JADE2: variants seen among roughly 807,000 people sequenced by gnomAD.
JADE2 encodes the protein E3 ubiquitin-protein ligase Jade-2.
A neutral mutation model predicts 85.7 loss-of-function variants in JADE2; 13 were observed. The observed-to-expected ratio is 0.15, with a 90% confidence interval of 0.10 to 0.24. The LOEUF (loss-of-function observed/expected upper bound fraction) is 0.24. JADE2 is among the 10% of genes least tolerant of loss of function. JADE2 has a pLI of 1.00. For synonymous variants in JADE2, 440 were observed against 456.1 expected (o/e 0.96, Z 0.45); for missense variants, 846 against 1,115.9 (o/e 0.76, Z 3.45).
At chr5:134,546,463 T>A (rs1762297878) in intron 3 of JADE2, among the ~76,000 whole-genome samples, 1 of 152,144 alleles carries the variant, frequency 6.6e-6, no homozygotes, top group African/African-American at 2.4e-5. Context: ...GAGATGGACA[T>A]TAAAAATATA....
intron 3 of JADE2, among the ~76,000 whole-genome samples, chr5:134,547,770 A>G (rs1204173988): frequency 1.3e-5 from 2 of 152,254 alleles, no homozygotes; most frequent in Non-Finnish European, 2.9e-5. Context: ...ATCTTGAGTC[A>G]TTCAAGATTT....
At chr5:134,561,585 G>A (rs1178653467) in intron 6 of JADE2, among the ~76,000 whole-genome samples, 1 of 152,146 alleles carries the variant, frequency 6.6e-6, no homozygotes, top group African/African-American at 2.4e-5. Flanking sequence ...GACCTGACTG[G>A]GACCTAGTGG....
Position 134,564,996 on chromosome 5 carries a change from A to G in JADE2, c.969+386A>G, listed in dbSNP as rs376973500. Among the ~76,000 whole-genome samples the G allele has an allele frequency of 9.2e-5, 14 of 152,320 alleles. No homozygotes were observed. The East Asian group carries it at 1.2e-3, about 13-fold the overall frequency. ...AGCTAATAGACTGTCCTGACACTGG[A>G]AGGGCTGTACCAGTCTGTCTTTAGC... On this transcript the variant is annotated intron_variant, in intron 8 of 11. Coordinates refer to ENST00000681547, the MANE Select transcript of JADE2 (RefSeq NM_001388185.1).
In JADE2 at chr5:134,578,811, A is replaced by G; in HGVS notation, c.1999A>G (p.Lys667Glu). Residue 667 changes from lysine to glutamate, a missense_variant, in exon 12 of 12, where the codon AAA becomes GAA. This residue lies in a region of JADE2 where 300 missense variants were observed against 300.7 expected (regional missense o/e 1.00). Coordinates refer to ENST00000681547, the MANE Select transcript of JADE2 (RefSeq NM_001388185.1). This position sits in a 1 kb window ranked among gnomAD's most constrained non-coding sequence, Gnocchi z 4.4. ...GCCTGGTTCACGGACGACTCCAGAC[A>G]AAGCCCCCAAGAAGACCTGGGGCCA... is the stretch of plus-strand genomic sequence containing the variant. ...DGPGSRTTPD[K>E]APKKTWGQDA... 6.2e-7 allele frequency: 1 copy of G among 1,613,764 alleles called. No individual in the cohort carries two copies. The highest frequency in any genetic ancestry group is 2.2e-5 in the East Asian group (1 of 44,886).
intron 9 of JADE2, among the ~76,000 whole-genome samples, chr5:134,572,284 G>A (rs1049545335): frequency 3.3e-5 from 5 of 152,226 alleles, no homozygotes; most frequent in African/African-American, 1.2e-4. Flanking sequence ...TCTTCGAGCT[G>A]AGGGCGCACA....
chr5:134,539,093 G>A (rs189318816), intron 3 of JADE2, among the ~76,000 whole-genome samples: 4,158 of 89,232 alleles, frequency 0.047, 211 homozygotes, highest in South Asian at 0.29. Context: ...ATGGAGTCTT[G>A]CTTTGTTGCC....
chr5:134,535,925 T>C lies in JADE2; in HGVS notation c.58+10T>C, dbSNP rs1174414871. ...TCTGACACCACTGACAGTAAGGCCTTCCAGTTTGGGCTCCTACAGGGAAAG... is the reference window on the plus strand; with the variant it reads ...TCTGACACCACTGACAGTAAGGCCTCCCAGTTTGGGCTCCTACAGGGAAAG... On this transcript the variant is annotated intron_variant, in intron 2 of 11. Coordinates refer to ENST00000681547, the MANE Select transcript of JADE2 (RefSeq NM_001388185.1). 1 of 1,612,494 alleles carries C rather than the reference T, an allele frequency of 6.2e-7. No homozygotes were observed. The highest frequency in any genetic ancestry group is 1.3e-5 in the African/African-American group (1 of 74,876).
At chr5:134,535,332 C>T (rs138716553) in intron 1 of JADE2, among the ~76,000 whole-genome samples, 118 of 152,292 alleles carry the variant, frequency 7.7e-4, no homozygotes, top group East Asian at 2.3e-3. Flanking sequence ...GCCTCTCCCC[C>T]GCTTCTGTAC....
chr5:134,566,157 C>T lies in JADE2; in HGVS notation c.1011C>T (p.Cys337=). 6 of 1,614,000 alleles carry T rather than the reference C, an allele frequency of 3.7e-6. No homozygotes were observed. The highest frequency in any genetic ancestry group is 5.1e-6 in the Non-Finnish European group (6 of 1,179,962). ...GCGTCACAGCGTTCCATGTCACATGCGCCTTTGACCACGGCCTGGAAATGC... is the reference window on the plus strand; with the variant it reads ...GCGTCACAGCGTTCCATGTCACATGTGCCTTTGACCACGGCCTGGAAATGC... ...PSCVTAFHVT[C]AFDHGLEMRT... is the part of the protein sequence containing the mutation. The change falls in exon 9 of 12, where the codon TGC becomes TGT. Residue 337 remains cysteine (C), a synonymous_variant. Coordinates refer to ENST00000681547, the MANE Select transcript of JADE2 (RefSeq NM_001388185.1). This position sits in a 1 kb window ranked among gnomAD's most constrained non-coding sequence, Gnocchi z 6.7.
At chr5:134,529,426 G>C (rs1290127468) in intron 1 of JADE2, among the ~76,000 whole-genome samples, 1 of 152,194 alleles carries the variant, frequency 6.6e-6, no homozygotes, top group Non-Finnish European at 1.5e-5. Flanking sequence ...ACACCTTCTG[G>C]AGTCAGACAG....
Position 134,538,009 on chromosome 5 carries a change from G to T in JADE2, c.79G>T (p.Ala27Ser). ...TTDSHATSTS[A>S]SRCSKLPSST... ...TGCAGGTCATGCGACATCTACATCC[G>T]CATCAAGATGCTCCAAACTGCCCAG... The change falls in exon 3 of 12, where the codon GCA (alanine) becomes TCA (serine). Residue 27 changes from alanine to serine, a missense_variant. Around this residue, in one of 9 missense-constraint regions of JADE2, gnomAD observed 47 missense variants for 42.2 expected, o/e 1.11. Transcript: ENST00000681547. The T allele has an allele frequency of 6.2e-7, 1 of 1,614,010 alleles. No homozygotes were observed. The highest frequency in any genetic ancestry group is 8.5e-7 in the Non-Finnish European group (1 of 1,179,924).
At chr5:134,570,860 C>G (rs149630320) in intron 9 of JADE2, among the ~76,000 whole-genome samples, 3 of 152,222 alleles carry the variant, frequency 2.0e-5, no homozygotes, top group Non-Finnish European at 4.4e-5. Flanking sequence ...TTTTGCCCCA[C>G]GTGGGGGTGC....
chr5:134,559,297 GC>G (rs1343013426), intron 4 of JADE2, among the ~76,000 whole-genome samples: 2 of 152,196 alleles, frequency 1.3e-5, no homozygotes, highest in Non-Finnish European at 2.9e-5. Flanking sequence ...TAAGAAGGGG[GC>G]TTGGGCTTCT....
chr5:134,539,723 G>A (rs1424754744), intron 3 of JADE2, among the ~76,000 whole-genome samples: 1 of 152,278 alleles, frequency 6.6e-6, no homozygotes, highest in African/African-American at 2.4e-5. Flanking sequence ...CCTCGTCATG[G>A]GTTGGAGAGG....
intron 9 of JADE2, among the ~76,000 whole-genome samples, chr5:134,568,430 G>A (rs1763782096): frequency 6.6e-6 from 1 of 152,212 alleles, no homozygotes; most frequent in Non-Finnish European, 1.5e-5. Context: ...GTGTTGGCTG[G>A]TTCAGGTGGA....
At position 134,579,745 on chromosome 5, in the gene JADE2, A is replaced by T. The variant is rs1343555281; in HGVS notation, c.*428A>T. ...TTGCCCCCAGATCCCACTGGGGTCC[A>T]TTTGGGGGGTCCTGCTACACTCCAC... On this transcript the variant is annotated 3_prime_UTR_variant, in exon 12 of 12. Transcript: ENST00000681547. The surrounding 1 kb of genome is among the most constrained non-coding windows in gnomAD (Gnocchi z 4.6). The T allele has an allele frequency of 5.7e-6, 1 of 174,384 alleles. No individual in the cohort carries two copies. The highest frequency in any genetic ancestry group is 1.6e-4 in the East Asian group (1 of 6,446). The allele number at this position is 174,384 out of a possible 1,614,324, so 10.8% of individuals were successfully genotyped here.
intron 9 of JADE2, among the ~76,000 whole-genome samples, chr5:134,570,075 C>G (rs934378377): frequency 9.2e-5 from 14 of 152,186 alleles, no homozygotes; most frequent in Non-Finnish European, 1.8e-4. Context: ...GCCTGCTATG[C>G]CCCAGCCCTT....
rs555668354 is a variant in JADE2 at position 134,576,555 on chromosome 5, C to T, written c.1553-213C>T. Among the ~76,000 whole-genome samples, 7 of 152,148 alleles carry T rather than the reference C, an allele frequency of 4.6e-5. No homozygotes were observed. In the South Asian group the frequency reaches 8.3e-4, roughly 18 times the overall value. The stretch of plus-strand genomic sequence containing the variant: ...TCCAGGTCCTGCGAGGGCCTCTCCT[C>T]GTGGCCCTGTGGCCACCCCAAGTCC... On this transcript the variant is annotated intron_variant, in intron 10 of 11. Coordinates refer to ENST00000681547, the MANE Select transcript of JADE2 (RefSeq NM_001388185.1).
At chr5:134,552,436 C>G (rs533418056) in intron 4 of JADE2, among the ~76,000 whole-genome samples, 2 of 152,336 alleles carry the variant, frequency 1.3e-5, no homozygotes, top group Non-Finnish European at 2.9e-5. Context: ...AGAATGCTTG[C>G]GTTCCTGTTG....
Sources: gnomAD v4.1 joint callset for allele counts (sites outside exome capture counted in the v4.1 genomes callset) on GRCh38, gnomAD v4.1.1 for gene constraint, gnomAD v4.1.1 regional missense constraint, Gnocchi (gnomAD v3.1) non-coding constraint, MANE v1.5 for transcripts, NCBI Gene and HGNC (gene_info 2026-07-23, HGNC 2026-07-21) for gene names.